Variants in DUOX2 observed in about 807,000 individuals in gnomAD.
DUOX2 encodes the protein dual oxidase 2, also known as NADH/NADPH thyroid oxidase p138-tox.
In DUOX2, 185 loss-of-function variants were observed where a neutral mutation model predicts 183.3. That is an observed-to-expected ratio of 1.01 (90% CI 0.90 to 1.14). The LOEUF is 1.14. DUOX2 is among the 50% of genes most tolerant of loss of function. The probability of loss-of-function intolerance (pLI) is 0.00; values close to 1 mark genes in which losing one functional copy is unlikely to be tolerated. For missense variants in DUOX2, 1,999 were observed against 2,022.9 expected (o/e 0.99, Z 0.23); for synonymous variants, 788 against 812.4 (o/e 0.97, Z 0.51).
At chr15:45,099,522 A>C (rs1351132207) in intron 25 of DUOX2, 40 bp from the exon 26 acceptor site, 1 of 1,600,768 alleles carries the variant, frequency 6.2e-7, no homozygotes, top group Non-Finnish European at 8.6e-7. Context: ...CAACCAGGAC[A>C]GACTCTACCT....
In DUOX2 at chr15:45,109,571, G is replaced by A. The variant is rs1315366889; in HGVS notation, c.1187C>T (p.Ser396Phe). The A allele has an allele frequency of 6.2e-7, 1 of 1,613,954 alleles. No homozygotes were observed. The highest frequency in any genetic ancestry group is 1.3e-5 in the African/African-American group (1 of 74,870). The change falls in exon 11 of 34, where the codon TCC becomes TTC. Residue 396 changes from serine to phenylalanine, a missense_variant. Physicochemically the swap from Ser to Phe is radical, Grantham distance 155. Around this residue, in one of 3 missense-constraint regions of DUOX2, gnomAD observed 1,628 missense variants for 1,608.6 expected, o/e 1.01. Transcript: ENST00000389039. The part of the protein sequence containing the change: ...EVNELLLGMA[S>F]QISELEDNIV... ...GTTGTCCTCCAACTCCGAAATCTGG[G>A]AGGCCATTCCCAGCAGCAGCTCATT...
At chr15:45,110,586 C>T (rs1595527925) in intron 8 of DUOX2, 62 bp from the exon 9 acceptor site, 2 of 1,613,856 alleles carry the variant, frequency 1.2e-6, no homozygotes, top group East Asian at 4.5e-5. Context: ...CCTCCCATCA[C>T]AGGCACCTGT....
rs1047718058 is a variant in DUOX2, at chr15:45,110,526, T to A, written c.944-2A>T. On this transcript the variant is annotated splice_acceptor_variant, in intron 8 of 33. Transcript: ENST00000389039. LOFTEE classifies it high-confidence loss of function. Reference sequence around the variant, plus strand: ...TGGGGTCTAGGAAAGGACGGTATCCTGCAGGAAGGAGACGGTGATGATGGG... The same window carrying A: ...TGGGGTCTAGGAAAGGACGGTATCCAGCAGGAAGGAGACGGTGATGATGGG... 1 of 1,614,146 alleles carries A rather than the reference T, an allele frequency of 6.2e-7. No homozygotes were observed.
At chr15:45,108,990 T>C in intron 11 of DUOX2, 38 bp from the exon 12 acceptor site, 4 of 1,612,926 alleles carry the variant, frequency 2.5e-6, no homozygotes, top group Non-Finnish European at 3.4e-6. Flanking sequence ...GGCTTTGTCC[T>C]CTCCATCCTT....
Position 45,098,032 on chromosome 15 carries a change from C to G in DUOX2, c.3542G>C (p.Trp1181Ser). 1.2e-6 allele frequency: 2 copies of G among 1,614,118 alleles called. No homozygotes were observed. The highest frequency in any genetic ancestry group is 1.7e-6 in the Non-Finnish European group (2 of 1,179,982). Residue 1181 changes from tryptophan to serine, a missense_variant, in exon 27 of 34, where the codon TGG becomes TCG. Transcript: ENST00000389039. The stretch of plus-strand genomic sequence containing the variant: ...ACCTGGGACGGTCTGGAAGAACCAC[C>G]AATAGAACTTCTGGGGAAGCTTGGA... ...DGSKLPQKFY[W>S]WFFQTVPGMT...
rs1240113601 is a variant in DUOX2, at chr15:45,110,452, A to G, written c.1016T>C (p.Met339Thr). ...VVASEQFFST[M>T]VPPGVYMRNA... ...CCTCATGTAGACACCAGGGGGCACC[A>G]TGGTAGAGAAGAACTGCTCAGAGGC... The change falls in exon 9 of 34, where the codon ATG becomes ACG. Residue 339 changes from methionine to threonine, a missense_variant. Physicochemically the swap from Met to Thr is moderately conservative, Grantham distance 81 (BLOSUM62 -1). Coordinates refer to ENST00000389039, the MANE Select transcript of DUOX2 (RefSeq NM_001363711.2). 5 of 1,613,906 alleles carry G rather than the reference A, an allele frequency of 3.1e-6. No homozygotes were observed. In the African/African-American group the frequency reaches 6.7e-5, roughly 22 times the overall value.
At chr15:45,098,159 G>A (rs960449324) in intron 26 of DUOX2, 101 bp from the exon 27 acceptor site, 15 of 1,167,996 alleles carry the variant, frequency 1.3e-5, no homozygotes, top group Non-Finnish European at 1.8e-5. Context: ...TGACTGCTGA[G>A]GGTATGGGGC....
intron 26 of DUOX2, chr15:45,099,085 A>G (rs1240363783): frequency 5.9e-6 from 2 of 338,460 alleles, no homozygotes; most frequent in Non-Finnish European, 1.1e-5. Context: ...ATCCCGGCTC[A>G]CTGCAAGCTC....
Position 45,097,342 on chromosome 15 carries a change from A to G in DUOX2, c.3743T>C (p.Ile1248Thr). 1 of 1,614,248 alleles carries G rather than the reference A, an allele frequency of 6.2e-7. No individual in the cohort carries two copies. The highest frequency in any genetic ancestry group is 1.1e-5 in the South Asian group (1 of 91,082). Reference sequence around the variant, plus strand: ...GATGATTGCCGGGACCAGGAAGTAGATGTGGAAAGTGGGCAGCTGGATCAG... The same window carrying G: ...GATGATTGCCGGGACCAGGAAGTAGGTGTGGAAAGTGGGCAGCTGGATCAG... Reference protein sequence around the residue: ...YALIQLPTFHIYFLVPAIIYG... With the variant: ...YALIQLPTFHTYFLVPAIIYG... The change falls in exon 29 of 34, where the codon ATC (isoleucine) becomes ACC (threonine). Residue 1248 changes from isoleucine (I) to threonine (T), a missense_variant. Physicochemically the swap from Ile to Thr is moderately conservative, Grantham distance 89. Around this residue, in one of 3 missense-constraint regions of DUOX2, gnomAD observed 1,628 missense variants for 1,608.6 expected, o/e 1.01. Transcript: ENST00000389039.
chr15:45,097,282 T>C lies in DUOX2; in HGVS notation c.3803A>G (p.Lys1268Arg). The change falls in exon 29 of 34, where the codon AAG becomes AGG. Residue 1268 changes from lysine to arginine, a missense_variant. By Grantham distance (26) the Lys-to-Arg change is conservative. Coordinates refer to ENST00000389039, the MANE Select transcript of DUOX2 (RefSeq NM_001363711.2). ...GGDKLVSLSR[K>R]KVEISVVKAE... ...CTTCACCACGCTGATCTCCACCTTC[T>C]TCCGGCTCAGGCTCACCAGCTTGTC... 1 of 1,614,238 alleles carries C rather than the reference T, an allele frequency of 6.2e-7. No individual in the cohort carries two copies.
chr15:45,101,206 G>C lies in DUOX2; in HGVS notation c.2920C>G (p.Arg974Gly). ...VSFITRTPGE[R>G]SHPQGLGPPA... ...TGCCAGAGCCCCATTCCTGCTCACCGCTCCCCAGGTGTCCGAGTGATGAAC... is the reference window on the plus strand; with the variant it reads ...TGCCAGAGCCCCATTCCTGCTCACCCCTCCCCAGGTGTCCGAGTGATGAAC... The change falls in exon 22 of 34, where the codon CGC (arginine) becomes GGC (glycine). Residue 974 changes from arginine to glycine, a missense_variant and splice_region_variant. Arg to Gly is a moderately radical substitution (Grantham distance 125). Around this residue, in one of 3 missense-constraint regions of DUOX2, gnomAD observed 1,628 missense variants for 1,608.6 expected, o/e 1.01. Coordinates refer to ENST00000389039, the MANE Select transcript of DUOX2 (RefSeq NM_001363711.2). 1 of 1,613,372 alleles carries C rather than the reference G, an allele frequency of 6.2e-7. No individual in the cohort carries two copies. Among genetic ancestry groups the C allele is most frequent in the South Asian group, 1.1e-5 (1 of 90,912 alleles).
Position 45,113,428 on chromosome 15 carries a change from G to T in DUOX2, c.-14-3C>A. The T allele has an allele frequency of 2.6e-6, 4 of 1,554,868 alleles. No individual in the cohort carries two copies. The African/African-American group carries it at 4.1e-5, about 16-fold the overall frequency. On this transcript the variant is annotated splice_polypyrimidine_tract_variant and splice_region_variant and intron_variant, in intron 1 of 33. Transcript: ENST00000389039. ...ACGGAGCATGCCAACCCTGCAGCCTGCGGGGTGAGGGTGGGGGTGGTAGGT... is the reference window on the plus strand; with the variant it reads ...ACGGAGCATGCCAACCCTGCAGCCTTCGGGGTGAGGGTGGGGGTGGTAGGT...
chr15:45,105,611 G>C, intron 18 of DUOX2, 32 bp downstream of exon 18: 1 of 1,613,786 alleles, frequency 6.2e-7, no homozygotes, highest in Non-Finnish European at 8.5e-7. Context: ...TCTGGGGCTG[G>C]ACCCATCTCC....
intron 29 of DUOX2, among the ~76,000 whole-genome samples, chr15:45,096,315 G>T (rs1487057960): frequency 2.6e-5 from 4 of 152,242 alleles, no homozygotes; most frequent in South Asian, 2.1e-4. Context: ...GAAGGCCCAG[G>T]CCTCATACCA....
chr15:45,097,996 C>T lies in DUOX2; in HGVS notation c.3565+13G>A. ...AGTCCTCAGACAGAACCCCCAGGTC[C>T]CACGTTTCCTACCTGGGACGGTCTG... On this transcript the variant is annotated intron_variant, in intron 27 of 33. Coordinates refer to ENST00000389039, the MANE Select transcript of DUOX2 (RefSeq NM_001363711.2). The T allele has an allele frequency of 1.2e-6, 2 of 1,613,894 alleles. No individual in the cohort carries two copies. Among genetic ancestry groups the T allele is most frequent in the Non-Finnish European group, 1.7e-6 (2 of 1,179,796 alleles).
intron 20 of DUOX2, 36 bp from the exon 21 acceptor site, chr15:45,102,025 C>T (rs1392658900): frequency 6.2e-7 from 1 of 1,611,370 alleles, no homozygotes; most frequent in Non-Finnish European, 8.5e-7. Flanking sequence ...GCCTGTCACC[C>T]AGCAAGGTCA....
rs1566979082 is a variant in DUOX2 at position 45,112,732 on chromosome 15, G to A, written c.161-14C>T. 11 of 1,610,476 alleles carry A rather than the reference G, an allele frequency of 6.8e-6. No individual in the cohort carries two copies. The highest frequency in any genetic ancestry group is 8.5e-6 in the Non-Finnish European group (10 of 1,179,872). On this transcript the variant is annotated splice_polypyrimidine_tract_variant and intron_variant, in intron 3 of 33. Coordinates refer to ENST00000389039, the MANE Select transcript of DUOX2 (RefSeq NM_001363711.2). ...GCAACCGGCAGCCTGCGGAGGCAGG[G>A]AGCGGGGCTCTGTCTAAGCACTCCA...
rs772992566 is a variant in DUOX2 at position 45,100,118 on chromosome 15, C to T, written c.3116G>A (p.Arg1039Gln). 36 of 1,614,090 alleles carry T rather than the reference C, an allele frequency of 2.2e-5. No homozygotes were observed. The highest frequency in any genetic ancestry group is 6.7e-5 in the East Asian group (3 of 44,886). Residue 1039 changes from arginine (R) to glutamine (Q), a missense_variant, in exon 24 of 34, where the codon CGG becomes CAG. Physicochemically the swap from Arg to Gln is conservative, Grantham distance 43 (BLOSUM62 1). Coordinates refer to ENST00000389039, the MANE Select transcript of DUOX2 (RefSeq NM_001363711.2). ...QQYKRFVENY[R>Q]RHIVCVAIFS... ...GATTGCCACACACACGATGTGCCTC[C>T]GGTAGTTCTCCACGAAGCGCTTGTA...
intron 29 of DUOX2, among the ~76,000 whole-genome samples, chr15:45,096,791 T>A (rs1326987355): frequency 6.6e-6 from 1 of 152,312 alleles, no homozygotes; most frequent in East Asian, 1.9e-4. Flanking sequence ...TAAAATCATC[T>A]TTTGCCACCC....
Sources: gnomAD v4.1 joint callset for allele counts (sites outside exome capture counted in the v4.1 genomes callset) on GRCh38, gnomAD v4.1.1 for gene constraint, gnomAD v4.1.1 regional missense constraint, MANE v1.5 for transcripts, NCBI Gene and HGNC (gene_info 2026-07-23, HGNC 2026-07-21) for gene names.